Variants in STIM2 observed in about 807,000 individuals in gnomAD.
STIM2 encodes the protein stromal interaction molecule 2.
A neutral mutation model predicts 85.8 loss-of-function variants in STIM2; 31 were observed. That is an observed-to-expected ratio of 0.36 (90% CI 0.27 to 0.49). The LOEUF is 0.49. Among genes scored for constraint, STIM2 ranks in the 20% least tolerant of loss-of-function variants. STIM2 has a pLI of 0.98. For synonymous variants in STIM2, 356 were observed against 331.1 expected (o/e 1.08, Z -0.82); for missense variants, 841 against 927.6 (o/e 0.91, Z 1.21).
chr4:26,992,891 C>T (rs28688827), intron 3 of STIM2, among the ~76,000 whole-genome samples: 15 of 152,198 alleles, frequency 9.9e-5, no homozygotes, highest in East Asian at 1.9e-4. Flanking sequence ...TTTAAAGATT[C>T]GTTGTCAAGA....
At chr4:27,003,193 T>C (rs1728218442) in intron 7 of STIM2, 89 bp downstream of exon 7, 4 of 1,277,846 alleles carry the variant, frequency 3.1e-6, no homozygotes, top group Non-Finnish European at 4.2e-6. Context: ...GTTTCCTACA[T>C]TTAGTTCCAC....
chr4:26,891,365 A>G (rs1007547716), intron 1 of STIM2, among the ~76,000 whole-genome samples: 4 of 152,134 alleles, frequency 2.6e-5, no homozygotes, highest in Non-Finnish European at 5.9e-5. Context: ...TTGAGTTTCT[A>G]GCTTGCTAGC....
chr4:26,931,308 C>T (rs1351670904), intron 2 of STIM2, among the ~76,000 whole-genome samples: 2 of 152,036 alleles, frequency 1.3e-5, no homozygotes, highest in East Asian at 3.9e-4. Context: ...CTAGGTCCAG[C>T]CAACCATCAC....
In STIM2 at chr4:26,972,387, T is replaced by C. The variant is rs189720011; in HGVS notation, c.397+14661T>C. Among the ~76,000 whole-genome samples, 495 of 152,328 alleles carry C rather than the reference T, an allele frequency of 3.2e-3. 1 individual carries two copies. The highest frequency in any genetic ancestry group is 3.9e-3 in the Non-Finnish European group (264 of 68,034). On this transcript the variant is annotated intron_variant, in intron 3 of 11. Transcript: ENST00000467087. ...ATACTGGCTGTGGGTTTGTCATAAA[T>C]AGCTCTTATTATTTTGAGATACATT... is the stretch of plus-strand genomic sequence containing the variant.
intron 1 of STIM2, among the ~76,000 whole-genome samples, chr4:26,882,334 T>A (rs1004310234): frequency 6.6e-6 from 1 of 152,086 alleles, no homozygotes; most frequent in African/African-American, 2.4e-5. Flanking sequence ...TTGTTGCTAA[T>A]TTTTTTTCCC....
At chr4:26,979,961 A>G (rs2109112498) in intron 3 of STIM2, among the ~76,000 whole-genome samples, 1 of 152,230 alleles carries the variant, frequency 6.6e-6, no homozygotes, top group East Asian at 1.9e-4. Context: ...TGGGGGTCTC[A>G]CTGTGTTGAC....
At position 26,942,119 on chromosome 4, in the gene STIM2, A is replaced by G. The variant is rs1473334840; in HGVS notation, c.283-15493A>G. ...GTAGATGTTACGATTGGGGTTGGGAAGTTTTTTTCTCTCACTGTCTGTGTC... is the reference window on the plus strand; with the variant it reads ...GTAGATGTTACGATTGGGGTTGGGAGGTTTTTTTCTCTCACTGTCTGTGTC... On this transcript the variant is annotated intron_variant, in intron 2 of 11. Transcript: ENST00000467087. 3.3e-5 allele frequency among the ~76,000 whole-genome samples: 5 copies of G among 152,208 alleles called. No individual in the cohort carries two copies. In the East Asian group the frequency reaches 9.6e-4, roughly 29 times the overall value.
chr4:26,944,157 C>G (rs1388760307), intron 2 of STIM2, among the ~76,000 whole-genome samples: 1 of 151,912 alleles, frequency 6.6e-6, no homozygotes, highest in African/African-American at 2.4e-5. Flanking sequence ...ATACATGGTT[C>G]CACAGTCTAA....
chr4:26,979,601 G>A (rs1447518770), intron 3 of STIM2, among the ~76,000 whole-genome samples: 1 of 152,124 alleles, frequency 6.6e-6, no homozygotes. Context: ...ATAAAATTTA[G>A]AGGGTATATT....
intron 10 of STIM2, among the ~76,000 whole-genome samples, chr4:27,016,742 A>C (rs910150205): frequency 6.6e-6 from 1 of 152,174 alleles, no homozygotes; most frequent in Non-Finnish European, 1.5e-5. Context: ...CCAATACCTA[A>C]CGTGGGCCCA....
At chr4:26,864,751 T>C (rs747659510) in intron 1 of STIM2, among the ~76,000 whole-genome samples, 2 of 152,150 alleles carry the variant, frequency 1.3e-5, no homozygotes, top group East Asian at 1.9e-4. Context: ...ATTTAATATA[T>C]TCTTAGTTCA....
At chr4:26,979,900 T>C (rs1727318504) in intron 3 of STIM2, among the ~76,000 whole-genome samples, 2 of 152,202 alleles carry the variant, frequency 1.3e-5, no homozygotes, top group African/African-American at 4.8e-5. Context: ...ATTCATTTGA[T>C]GTTATTATGA....
At chr4:26,932,135 G>C (rs1199124979) in intron 2 of STIM2, among the ~76,000 whole-genome samples, 1 of 152,152 alleles carries the variant, frequency 6.6e-6, no homozygotes, top group Non-Finnish European at 1.5e-5. Context: ...CAGTTTGGTG[G>C]ATTAGGCAAT....
intron 3 of STIM2, among the ~76,000 whole-genome samples, chr4:26,976,098 T>G (rs1372141750): frequency 2.6e-5 from 4 of 152,156 alleles, no homozygotes; most frequent in Admixed American, 6.5e-5. Context: ...TGCTAAGACC[T>G]TGGGGAAAGC....
intron 3 of STIM2, among the ~76,000 whole-genome samples, chr4:26,979,954 G>A (rs1282571497): frequency 6.6e-6 from 1 of 152,012 alleles, no homozygotes; most frequent in African/African-American, 2.4e-5. Flanking sequence ...ATAGAGATGG[G>A]GGTCTCACTG....
intron 7 of STIM2, among the ~76,000 whole-genome samples, chr4:27,006,514 A>G (rs1297227702): frequency 6.6e-6 from 1 of 152,136 alleles, no homozygotes; most frequent in Non-Finnish European, 1.5e-5. Flanking sequence ...CTTGAGTGTG[A>G]GTGTATGTGC....
chr4:26,870,536 A>G (rs1389179573), intron 1 of STIM2, among the ~76,000 whole-genome samples: 4 of 152,212 alleles, frequency 2.6e-5, no homozygotes, highest in African/African-American at 9.6e-5. Flanking sequence ...TCTTTGGAAC[A>G]AAGTATAATT....
At chr4:26,902,951 T>C (rs1238719001) in intron 1 of STIM2, among the ~76,000 whole-genome samples, 1 of 152,172 alleles carries the variant, frequency 6.6e-6, no homozygotes, top group Non-Finnish European at 1.5e-5. Context: ...TTAGTTTAAC[T>C]ACCTAGATTT....
Position 26,878,352 on chromosome 4 carries a change from CAG to C in STIM2, c.151+16988_151+16989del, listed in dbSNP as rs1014070828. On this transcript the variant is annotated intron_variant, in intron 1 of 11. Coordinates refer to ENST00000467087, the MANE Select transcript of STIM2 (RefSeq NM_020860.4). Reference sequence around the variant, plus strand: ...CTTGTGACTGAGGTAGTACTTGGGACAGAGAGTTTTCTGTCCTTCCCCTAGCA... The same window carrying C: ...CTTGTGACTGAGGTAGTACTTGGGACAGAGTTTTCTGTCCTTCCCCTAGCA... Among the ~76,000 whole-genome samples, 34 of 152,200 alleles carry C rather than the reference CAG, an allele frequency of 2.2e-4. No individual in the cohort carries two copies. In the Middle Eastern group the frequency reaches 0.01, roughly 46 times the overall value.
Sources: allele counts gnomAD v4.1 joint callset (sites outside exome capture counted in the v4.1 genomes callset), GRCh38; gene constraint gnomAD v4.1.1; transcripts MANE v1.5; gene names NCBI Gene and HGNC (gene_info 2026-07-23, HGNC 2026-07-21).